The following GPR141 variants were observed in gnomAD, a reference collection of about 807,000 sequenced individuals.
GPR141 encodes probable G protein-coupled receptor 141.
Under a neutral mutation model 6.8 loss-of-function variants are expected in GPR141, and 6 were observed. The ratio of observed to expected loss-of-function variants is 0.88; its 90% CI spans 0.48 to 1.74. The LOEUF (loss-of-function observed/expected upper bound fraction) is 1.74. Ranked by LOEUF, GPR141 falls within the 40% of genes most tolerant of loss-of-function variation. The pLI, the probability that GPR141 is intolerant of heterozygous loss-of-function variation, is 0.01. For missense variants in GPR141, 372 were observed against 372.9 expected, an observed-to-expected ratio of 1.00 and a Z score of 0.02; for synonymous variants, 140 against 142.3, an observed-to-expected ratio of 0.98 and a Z score of 0.11.
chr7:37,704,249 GT>G (rs1810423710), intron 2 of GPR141, among the ~76,000 whole-genome samples: 2 of 151,320 alleles, frequency 1.3e-5, no homozygotes, highest in African/African-American at 4.9e-5. Context: ...TTTTCCAAGT[GT>G]TTTCCTTTTC....
At position 37,731,716 on chromosome 7, in the gene GPR141, T is replaced by TGC. The variant is rs575766511; in HGVS notation, c.-14-8662_-14-8661dup. Among the ~76,000 whole-genome samples, 1,137 of 152,366 alleles carry TGC rather than the reference T, an allele frequency of 7.5e-3. 13 individuals carry two copies. Among genetic ancestry groups the TGC allele is most frequent in the African/African-American group, 0.025 (1,034 of 41,586 alleles). On this transcript the variant is annotated intron_variant, in intron 2 of 2. Transcript: ENST00000334425. ...ATCCGCCCGCCTCGGCCTCCCGAAG[T>TGC]GCGGGGATTACAGGCGCAAAGGAAT...
intron 2 of GPR141, among the ~76,000 whole-genome samples, chr7:37,718,555 G>GGAAGGAAGGAAGGAAGGAAA (rs1283717499): frequency 6.7e-6 from 1 of 150,308 alleles, no homozygotes; most frequent in East Asian, 1.9e-4. Context: ...AAGGAAGGAA[G>GGAAGGAAGGAAGGAAGGAAA]GAAAGAAAGA....
chr7:37,707,757 G>C (rs764226057), intron 2 of GPR141, among the ~76,000 whole-genome samples: 2 of 152,172 alleles, frequency 1.3e-5, no homozygotes, highest in African/African-American at 4.8e-5. Context: ...TTAGTTACTT[G>C]CCTGAACAAG....
At chr7:37,698,773 C>T (rs553815327) in intron 2 of GPR141, among the ~76,000 whole-genome samples, 2 of 152,216 alleles carry the variant, frequency 1.3e-5, no homozygotes, top group East Asian at 3.9e-4. Flanking sequence ...ACTTGAGCTG[C>T]TCTCTTTTTT....
chr7:37,702,814 A>ATAAAT (rs1554340109), intron 2 of GPR141, among the ~76,000 whole-genome samples: 68 of 145,174 alleles, frequency 4.7e-4, no homozygotes, highest in East Asian at 7.9e-4. Flanking sequence ...TTCAAAAAAA[A>ATAAAT]AAATAAATAA....
At chr7:37,707,800 T>C (rs1810590619) in intron 2 of GPR141, among the ~76,000 whole-genome samples, 1 of 151,744 alleles carries the variant, frequency 6.6e-6, no homozygotes, top group Admixed American at 6.6e-5. Flanking sequence ...AAGATGGAGG[T>C]TGGGAGCAAA....
At chr7:37,727,556 T>G (rs956259558) in intron 2 of GPR141, among the ~76,000 whole-genome samples, 1 of 152,246 alleles carries the variant, frequency 6.6e-6, no homozygotes, top group Admixed American at 6.5e-5. Context: ...TTCTTTTGTC[T>G]GGGAAATTTG....
chr7:37,695,135 T>C (rs1809956801), intron 2 of GPR141, among the ~76,000 whole-genome samples: 2 of 151,956 alleles, frequency 1.3e-5, no homozygotes. Flanking sequence ...GCAGGTAGAG[T>C]GGTTCCACTG....
intron 2 of GPR141, among the ~76,000 whole-genome samples, chr7:37,736,512 C>A: frequency 6.7e-6 from 1 of 148,178 alleles, no homozygotes; most frequent in Non-Finnish European, 1.5e-5. Context: ...AAAAAAACAC[C>A]CAGGCAAAAG....
intron 2 of GPR141, among the ~76,000 whole-genome samples, chr7:37,712,172 C>CA (rs1810829769): frequency 6.6e-6 from 1 of 152,116 alleles, no homozygotes; most frequent in Non-Finnish European, 1.5e-5. Context: ...AGAGAAGTCC[C>CA]AAGGGGGAGA....
chr7:37,697,476 T>G (rs1263039931), intron 2 of GPR141, among the ~76,000 whole-genome samples: 1 of 152,190 alleles, frequency 6.6e-6, no homozygotes. Flanking sequence ...AGGCTCAAGG[T>G]CACCTAGCCA....
intron 2 of GPR141, among the ~76,000 whole-genome samples, chr7:37,686,037 C>T (rs1809495366): frequency 6.6e-6 from 1 of 151,974 alleles, no homozygotes; most frequent in Non-Finnish European, 1.5e-5. Flanking sequence ...CTCGCTCTGT[C>T]TCCAAGGCAG....
At chr7:37,698,570 T>C (rs2718082) in intron 2 of GPR141, among the ~76,000 whole-genome samples, 4,700 of 152,234 alleles carry the variant, frequency 0.031, 228 homozygotes, top group African/African-American at 0.099. Flanking sequence ...GGATTTGCTA[T>C]GTATTGGATG....
intron 2 of GPR141, among the ~76,000 whole-genome samples, chr7:37,707,623 A>G (rs1359872150): frequency 4.6e-5 from 7 of 152,238 alleles, no homozygotes; most frequent in Non-Finnish European, 1.0e-4. Context: ...AATCACCCCA[A>G]TTTACAGATA....
At chr7:37,722,681 A>T (rs1345507005) in intron 2 of GPR141, among the ~76,000 whole-genome samples, 1 of 149,092 alleles carries the variant, frequency 6.7e-6, no homozygotes, top group Non-Finnish European at 1.5e-5. Flanking sequence ...AACTTATGCC[A>T]CTGCACTCCA....
At chr7:37,695,852 T>G (rs12530650) in intron 2 of GPR141, among the ~76,000 whole-genome samples, 2,226 of 152,328 alleles carry the variant, frequency 0.015, 136 homozygotes, top group Admixed American at 0.1. Flanking sequence ...TGCCGTGTTG[T>G]CACTGTGTGG....
chr7:37,732,785 C>T (rs1255375522), intron 2 of GPR141, among the ~76,000 whole-genome samples: 3 of 152,062 alleles, frequency 2.0e-5, no homozygotes, highest in Admixed American at 6.6e-5. Flanking sequence ...GCTAGATGGT[C>T]GTAAGGAGAG....
At chr7:37,691,067 C>A (rs937270083) in intron 2 of GPR141, among the ~76,000 whole-genome samples, 2 of 151,982 alleles carry the variant, frequency 1.3e-5, no homozygotes, top group Admixed American at 1.3e-4. Context: ...TGTATGATGA[C>A]CTTCTTTGTA....
At chr7:37,694,959 G>A (rs953861159) in intron 2 of GPR141, among the ~76,000 whole-genome samples, 2 of 152,284 alleles carry the variant, frequency 1.3e-5, no homozygotes, top group South Asian at 2.1e-4. Flanking sequence ...TTCCACTAAG[G>A]CACCATTTTC....
Sources: gnomAD v4.1 joint callset for allele counts (sites outside exome capture counted in the v4.1 genomes callset) on GRCh38, gnomAD v4.1.1 for gene constraint, MANE v1.5 for transcripts, NCBI Gene and HGNC (gene_info 2026-07-23, HGNC 2026-07-21) for gene names.